The following PCDHGA3 variants were observed in gnomAD, a reference collection of about 807,000 sequenced individuals.
PCDHGA3 encodes protocadherin gamma-A3.
In PCDHGA3, 40 loss-of-function variants were observed where a neutral mutation model predicts 58.5. That is an observed-to-expected ratio of 0.68 (90% confidence interval 0.53 to 0.89). PCDHGA3 has a LOEUF of 0.89. PCDHGA3 is among the 40% of genes least tolerant of loss of function. The pLI, the probability that PCDHGA3 is intolerant of heterozygous loss-of-function variation, is 0.00. For synonymous variants in PCDHGA3, 530 were observed against 525.7 expected (o/e 1.01, Z -0.11); for missense variants, 1,223 against 1,195.9 (o/e 1.02, Z -0.33).
chr5:141,357,369 C>G, intron 1 of PCDHGA3: 1 of 1,614,182 alleles, frequency 6.2e-7, no homozygotes, highest in East Asian at 2.2e-5. Context: ...ACAAGTCACG[C>G]CTGCTTCACG....
chr5:141,352,148 G>C (rs777837262), intron 1 of PCDHGA3: 3 of 1,612,454 alleles, frequency 1.9e-6, no homozygotes, highest in Non-Finnish European at 1.7e-6. Flanking sequence ...TGCCTTGGGC[G>C]ACAGGGACGC....
intron 1 of PCDHGA3, among the ~76,000 whole-genome samples, chr5:141,448,274 T>G (rs2098579713): frequency 6.6e-6 from 1 of 152,196 alleles, no homozygotes; most frequent in South Asian, 2.1e-4. Context: ...TATATACTGT[T>G]GTGCAACTTG....
rs752088903 is a variant in PCDHGA3, at chr5:141,490,784, G to A, written c.2425-4023G>A. The A allele has an allele frequency of 1.7e-5, 27 of 1,613,906 alleles. No individual in the cohort carries two copies. The highest frequency in any genetic ancestry group is 1.2e-4 in the African/African-American group (9 of 74,922). The stretch of plus-strand genomic sequence containing the variant: ...GTGTATGTCAACCCAGAGGATGGAC[G>A]GATCTTTGCCCAGCGTACCTTTGAC... On this transcript the variant is annotated intron_variant, in intron 1 of 3. Transcript: ENST00000253812. This position sits in a 1 kb window ranked among gnomAD's most constrained non-coding sequence, Gnocchi z 5.4.
At chr5:141,375,495 T>C (rs1771526173) in intron 1 of PCDHGA3, 13 of 1,613,800 alleles carry the variant, frequency 8.1e-6, no homozygotes, top group Non-Finnish European at 1.1e-5. Flanking sequence ...GGTGCCTCCA[T>C]CTTCTCTGTG....
At chr5:141,372,049 T>TG in intron 1 of PCDHGA3, 1 of 1,613,484 alleles carries the variant, frequency 6.2e-7, no homozygotes, top group Non-Finnish European at 8.5e-7. Context: ...CGCGTGTTGG[T>TG]GGACGACCGC....
intron 2 of PCDHGA3, among the ~76,000 whole-genome samples, chr5:141,501,420 T>C (rs1429838126): frequency 6.6e-6 from 1 of 152,006 alleles, no homozygotes; most frequent in Non-Finnish European, 1.5e-5. Context: ...AATAGTTGAC[T>C]AAATGTAGTC....
intron 1 of PCDHGA3, chr5:141,365,824 G>T (rs745398679): frequency 6.2e-7 from 1 of 1,613,926 alleles, no homozygotes; most frequent in African/African-American, 1.3e-5. Flanking sequence ...CATTTCAGGG[G>T]GCGCCCTTGT....
At chr5:141,360,382 GACTT>G (rs771983102) in intron 1 of PCDHGA3, 1 of 1,613,906 alleles carries the variant, frequency 6.2e-7, no homozygotes, top group Non-Finnish European at 8.5e-7. Context: ...AGAAAGCGGA[GACTT>G]ACTTGTGAGT....
intron 1 of PCDHGA3, chr5:141,376,562 C>G: frequency 1.2e-6 from 2 of 1,608,850 alleles, no homozygotes; most frequent in Non-Finnish European, 8.5e-7. Context: ...CGCAACCCAA[C>G]TAATCAGACA....
rs1360065016 is a variant in PCDHGA3 at position 141,345,690 on chromosome 5, C to T, written c.1657C>T (p.Leu553=). The T allele has an allele frequency of 6.2e-7, 1 of 1,614,108 alleles. No individual in the cohort carries two copies. The highest frequency in any genetic ancestry group is 1.3e-5 in the African/African-American group (1 of 74,926). The part of the protein sequence containing the change: ...SSNVSLNLFV[L]DQNDNAPEIL... Reference sequence around the variant, plus strand: ...CAACGTGTCGCTGAACCTGTTCGTGCTGGACCAGAACGACAACGCGCCCGA... The same window carrying T: ...CAACGTGTCGCTGAACCTGTTCGTGTTGGACCAGAACGACAACGCGCCCGA... The change falls in exon 1 of 4, where the codon CTG becomes TTG. Residue 553 remains leucine, a synonymous_variant. Coordinates refer to ENST00000253812, the MANE Select transcript of PCDHGA3 (RefSeq NM_018916.4).
chr5:141,490,715 C>G lies in PCDHGA3; in HGVS notation c.2425-4092C>G, dbSNP rs757619272. The stretch of plus-strand genomic sequence containing the variant: ...GGGGATAATGCCCGCCTCACCTACT[C>G]CATTGTAGGAAATCAGGTTCAGGGA... On this transcript the variant is annotated intron_variant, in intron 1 of 3. Coordinates refer to ENST00000253812, the MANE Select transcript of PCDHGA3 (RefSeq NM_018916.4). This position sits in a 1 kb window ranked among gnomAD's most constrained non-coding sequence, Gnocchi z 5.4. 14 of 1,614,130 alleles carry G rather than the reference C, an allele frequency of 8.7e-6. No individual in the cohort carries two copies. Among genetic ancestry groups the G allele is most frequent in the Non-Finnish European group, 1.1e-5 (13 of 1,179,978 alleles).
rs1757575354 is a variant in PCDHGA3 at position 141,345,445 on chromosome 5, T to C, written c.1412T>C (p.Ile471Thr). ...GAAAACAACCCCAGAGGAGCCTCCA[T>C]CTTCTCAGTGACAGCCCAGGACCCA... ...IPENNPRGASIFSVTAQDPDS... is the reference protein window; with the variant it reads ...IPENNPRGASTFSVTAQDPDS... Residue 471 changes from isoleucine (I) to threonine (T), a missense_variant, in exon 1 of 4, where the codon ATC (isoleucine) becomes ACC (threonine). Coordinates refer to ENST00000253812, the MANE Select transcript of PCDHGA3 (RefSeq NM_018916.4). The C allele has an allele frequency of 6.2e-7, 1 of 1,613,840 alleles. No homozygotes were observed. The highest frequency in any genetic ancestry group is 1.3e-5 in the African/African-American group (1 of 74,836).
chr5:141,379,975 C>T (rs2150153765), intron 1 of PCDHGA3, among the ~76,000 whole-genome samples: 1 of 132,632 alleles, frequency 7.5e-6, no homozygotes, highest in South Asian at 2.6e-4. Flanking sequence ...TCTCTGCTCA[C>T]TGCAACTTCC....
rs188874944 is a variant in PCDHGA3, at chr5:141,446,708, C to T, written c.2425-48099C>T. Among the ~76,000 whole-genome samples, 183 of 152,314 alleles carry T rather than the reference C, an allele frequency of 1.2e-3. 1 individual carries two copies. The highest frequency in any genetic ancestry group is 2.1e-3 in the Admixed American group (32 of 15,302). On this transcript the variant is annotated intron_variant, in intron 1 of 3. Coordinates refer to ENST00000253812, the MANE Select transcript of PCDHGA3 (RefSeq NM_018916.4). ...GGCCAGGCTGGTCTCGAACTCTGAT[C>T]TGCCCGCCTCGGCCTCCCAAAGTGT...
chr5:141,433,987 T>C (rs1332689630), intron 1 of PCDHGA3, among the ~76,000 whole-genome samples: 1 of 152,252 alleles, frequency 6.6e-6, no homozygotes, highest in Non-Finnish European at 1.5e-5. Context: ...GAAGAAGAGT[T>C]TTATATTCTC....
intron 1 of PCDHGA3, chr5:141,361,554 A>T (rs199916536): frequency 6.2e-7 from 1 of 1,614,062 alleles, no homozygotes; most frequent in Non-Finnish European, 8.5e-7. Context: ...CTATCGCTCA[A>T]ATCAGTGCCT....
intron 1 of PCDHGA3, among the ~76,000 whole-genome samples, chr5:141,447,978 C>T (rs759162070): frequency 1.1e-4 from 17 of 151,694 alleles, no homozygotes; most frequent in East Asian, 3.9e-4. Flanking sequence ...CCCAGCTACT[C>T]GGGAGGCTGA....
At chr5:141,467,537 A>G (rs2154569542) in intron 1 of PCDHGA3, among the ~76,000 whole-genome samples, 1 of 152,192 alleles carries the variant, frequency 6.6e-6, no homozygotes, top group Non-Finnish European at 1.5e-5. Context: ...TGAGATATGG[A>G]TCTGATTATA....
chr5:141,382,896 G>A (rs754850386), intron 1 of PCDHGA3: 5 of 1,537,678 alleles, frequency 3.3e-6, no homozygotes, highest in Admixed American at 2.1e-5. Context: ...GAAGCAGGAC[G>A]ACTATGGCGG....
Sources: gnomAD v4.1 joint callset for allele counts (sites outside exome capture counted in the v4.1 genomes callset) on GRCh38, gnomAD v4.1.1 for gene constraint, Gnocchi (gnomAD v3.1) non-coding constraint, MANE v1.5 for transcripts, NCBI Gene and HGNC (gene_info 2026-07-23, HGNC 2026-07-21) for gene names.